SOHLH1: variants seen among roughly 807,000 people sequenced by gnomAD.
SOHLH1 encodes spermatogenesis- and oogenesis-specific basic helix-loop-helix-containing protein 1.
SOHLH1 carries 23 observed loss-of-function variants against 36.2 expected under a neutral mutation model. The observed-to-expected ratio is 0.64, with a 90% CI of 0.46 to 0.90. The LOEUF (loss-of-function observed/expected upper bound fraction) is 0.90, where lower values mean the gene tolerates loss of function less well. Among genes scored for constraint, SOHLH1 ranks in the 40% least tolerant of loss-of-function variants. The pLI, the probability that SOHLH1 is intolerant of heterozygous loss-of-function variation, is 0.00. For missense variants in SOHLH1, 608 were observed against 517.0 expected (o/e 1.18, Z -1.71); for synonymous variants, 289 against 228.3 (o/e 1.27, Z -2.40).
upstream of SOHLH1, among the ~76,000 whole-genome samples, chr9:135,700,317 G>T (rs1834987284): frequency 6.6e-6 from 1 of 152,170 alleles, no homozygotes; most frequent in African/African-American, 2.4e-5. Flanking sequence ...TCCAGGAGCC[G>T]CCCTGCGCTG....
chr9:135,693,911 C>T (rs1346284650), intron 7 of SOHLH1, 97 bp from the exon 8 acceptor site: 31 of 1,475,346 alleles, frequency 2.1e-5, no homozygotes, highest in Middle Eastern at 1.8e-4. Flanking sequence ...CACCTCAGTC[C>T]GTCTGCCCTG....
At chr9:135,697,781 G>A (rs1406740314) in intron 3 of SOHLH1, among the ~76,000 whole-genome samples, 154 bp from the exon 4 acceptor site, 1 of 152,170 alleles carries the variant, frequency 6.6e-6, no homozygotes, top group Admixed American at 6.5e-5. Context: ...TTGACAACGA[G>A]GCTGAGGTTC....
At chr9:135,693,970 C>T in intron 7 of SOHLH1, 156 bp from the exon 8 acceptor site, 2 of 1,431,742 alleles carry the variant, frequency 1.4e-6, no homozygotes, top group Admixed American at 5.7e-5. Context: ...GAGCTCATAC[C>T]TGGTGGCCCC....
upstream of SOHLH1, among the ~76,000 whole-genome samples, chr9:135,701,974 C>G (rs1835048235): frequency 6.6e-6 from 1 of 152,054 alleles, no homozygotes; most frequent in Admixed American, 6.5e-5. Context: ...ATTGACGAAC[C>G]CCGTCCTGTT....
chr9:135,698,558 T>A, intron 2 of SOHLH1, 82 bp from the exon 3 acceptor site: 1 of 1,597,684 alleles, frequency 6.3e-7, no homozygotes. Flanking sequence ...ACCTGCCAGA[T>A]AGACCCTGGG....
rs545817903 is a variant in SOHLH1 at position 135,695,545 on chromosome 9, G to T, written c.662-282C>A. On this transcript the variant is annotated intron_variant, in intron 5 of 7. Coordinates refer to ENST00000425225, the MANE Select transcript of SOHLH1 (RefSeq NM_001101677.2). ...GCCAGCCGCAAGGGGCTTGGATCTGGGGACCCTCTCAGCACCGCCTCCCGG... is the reference window on the plus strand; with the variant it reads ...GCCAGCCGCAAGGGGCTTGGATCTGTGGACCCTCTCAGCACCGCCTCCCGG... Among the ~76,000 whole-genome samples the T allele has an allele frequency of 4.6e-5, 7 of 152,218 alleles. No homozygotes were observed. In the East Asian group the frequency reaches 1.4e-3, roughly 29 times the overall value.
rs576433202 is a variant in SOHLH1, at chr9:135,697,742, C to T, written c.346-115G>A. The stretch of plus-strand genomic sequence containing the variant: ...GGAGGGTCACTGTGAGCTCGGTCCC[C>T]GCTTGGAACTTGGGGGCGAGAGTAC... On this transcript the variant is annotated intron_variant, in intron 3 of 7. Transcript: ENST00000425225. 298 of 1,304,796 alleles carry T rather than the reference C, an allele frequency of 2.3e-4. No homozygotes were observed. The African/African-American group carries it at 3.7e-3, about 16-fold the overall frequency. 80.8% of individuals were successfully genotyped at this position (1,304,796 alleles called of 1,614,324 possible).
intron 6 of SOHLH1, 41 bp downstream of exon 6, chr9:135,695,009 G>A (rs1252783331): frequency 6.5e-7 from 1 of 1,546,092 alleles, no homozygotes; most frequent in East Asian, 2.4e-5. Context: ...ACACATGCTC[G>A]CTCACGCACA....
chr9:135,698,127 C>G (rs1447779633), intron 3 of SOHLH1, among the ~76,000 whole-genome samples: 3 of 152,168 alleles, frequency 2.0e-5, no homozygotes, highest in Admixed American at 1.3e-4. Context: ...GGAAGGCTTG[C>G]TCCTTTCCAG....
At chr9:135,700,413 G>T (rs1481636083), upstream of SOHLH1, among the ~76,000 whole-genome samples, 1 of 149,964 alleles carries the variant, frequency 6.7e-6, no homozygotes, top group Non-Finnish European at 1.5e-5. Context: ...GGAGGTTGCG[G>T]GGGGCCCTCA....
At chr9:135,699,614 T>C (rs2131299484), upstream of SOHLH1, 2 of 815,874 alleles carry the variant, frequency 2.5e-6, no homozygotes, top group Admixed American at 2.3e-5. Flanking sequence ...GCGCATGCGC[T>C]CTAGCCCTCC....
At chr9:135,699,907 C>T (rs893141203), upstream of SOHLH1, among the ~76,000 whole-genome samples, 1 of 152,000 alleles carries the variant, frequency 6.6e-6, no homozygotes, top group Non-Finnish European at 1.5e-5. Context: ...TAGCCCAGGC[C>T]TGGGGGACCC....
At chr9:135,699,167 GA>G (rs1470905539) in intron 1 of SOHLH1, 41 bp from the exon 2 acceptor site, 1 of 1,559,942 alleles carries the variant, frequency 6.4e-7, no homozygotes, top group East Asian at 2.4e-5. Flanking sequence ...GAGAACCCCA[GA>G]AAAGGCCACC....
chr9:135,699,034 G>A lies in SOHLH1; in HGVS notation c.158C>T (p.Ser53Phe), dbSNP rs749708914. ...GCTGATCACGTTCCGCCGAAGGCAG[G>A]AGCTGGGACCCTCGGCCACCGTAGG... ...KAPTVAEGPS[S>F]CLRRNVISER... Residue 53 changes from serine to phenylalanine, a missense_variant, in exon 2 of 8, where the codon TCC (serine) becomes TTC (phenylalanine). Coordinates refer to ENST00000425225, the MANE Select transcript of SOHLH1 (RefSeq NM_001101677.2). 3.1e-6 allele frequency: 5 copies of A among 1,611,618 alleles called. No individual in the cohort carries two copies. Among genetic ancestry groups the A allele is most frequent in the South Asian group, 1.1e-5 (1 of 91,048 alleles).
chr9:135,699,349 C>G (rs911846837), intron 1 of SOHLH1, 54 bp downstream of exon 1: 2 of 1,571,958 alleles, frequency 1.3e-6, no homozygotes, highest in Non-Finnish European at 8.7e-7. Flanking sequence ...CGGAAGAACC[C>G]CTGGGTACAG....
In SOHLH1 at chr9:135,697,514, G is replaced by A. The variant is rs373016434; in HGVS notation, c.459C>T (p.Ser153=). The A allele has an allele frequency of 1.1e-5, 17 of 1,610,570 alleles. No individual in the cohort carries two copies. The highest frequency in any genetic ancestry group is 4.5e-5 in the East Asian group (2 of 44,848). ...CCCCAGGAGACACTAACCGAGTCCCGCTGGACGCTCCCGTCCCAGGGTCTG... is the reference window on the plus strand; with the variant it reads ...CCCCAGGAGACACTAACCGAGTCCCACTGGACGCTCCCGTCCCAGGGTCTG... The part of the protein sequence containing the change: ...GVPDPGTGAS[S]GTRTPDVKAF... The change falls in exon 4 of 8, where the codon AGC becomes AGT. Residue 153 remains serine, a synonymous_variant. Transcript: ENST00000425225.
At chr9:135,698,897 C>T (rs900457184) in intron 2 of SOHLH1, 98 bp downstream of exon 2, 1 of 1,563,682 alleles carries the variant, frequency 6.4e-7, no homozygotes, top group Non-Finnish European at 8.8e-7. Context: ...GCCACGAGCC[C>T]CTCCCAGCTG....
intron 7 of SOHLH1, 174 bp from the exon 8 acceptor site, chr9:135,693,988 G>A: frequency 2.8e-6 from 4 of 1,429,512 alleles, no homozygotes; most frequent in Non-Finnish European, 3.6e-6. Context: ...CCCAGACCCA[G>A]GACACCTGTT....
intron 5 of SOHLH1, among the ~76,000 whole-genome samples, chr9:135,696,334 G>A (rs1301279247): frequency 1.3e-5 from 2 of 152,212 alleles, no homozygotes; most frequent in East Asian, 1.9e-4. Flanking sequence ...CAGGATAGAA[G>A]GAACAGCTCC....
Sources: gnomAD v4.1 joint callset for allele counts (sites outside exome capture counted in the v4.1 genomes callset) on GRCh38, gnomAD v4.1.1 for gene constraint, MANE v1.5 for transcripts, NCBI Gene and HGNC (gene_info 2026-07-23, HGNC 2026-07-21) for gene names.